TAFA5: variants seen among roughly 807,000 people sequenced by gnomAD.
The protein encoded by TAFA5 is TAFA chemokine like family member 5.
Under a neutral mutation model 15.3 loss-of-function variants are expected in TAFA5, and 6 were observed. The observed-to-expected ratio is 0.39, with a 90% CI of 0.21 to 0.77. The LOEUF (loss-of-function observed/expected upper bound fraction) is 0.77. TAFA5 is among the 30% of genes least tolerant of loss of function. TAFA5 has a pLI of 0.41. For synonymous variants in TAFA5, 103 were observed against 80.7 expected, an observed-to-expected ratio of 1.28 and a Z score of -1.48; for missense variants, 161 against 193.1, an observed-to-expected ratio of 0.83 and a Z score of 0.98.
chr22:48,580,139 C>T (rs1378497254), intron 1 of TAFA5, among the ~76,000 whole-genome samples: 5 of 152,188 alleles, frequency 3.3e-5, no homozygotes, highest in South Asian at 2.1e-4. Context: ...AGCAGCTGCT[C>T]GGAGGGCAGA....
intron 2 of TAFA5, among the ~76,000 whole-genome samples, chr22:48,690,098 G>C (rs1012547960): frequency 9.9e-5 from 15 of 151,978 alleles, no homozygotes; most frequent in African/African-American, 3.1e-4. Flanking sequence ...GCATCAGCTG[G>C]AGGCCAGGGG....
At chr22:48,516,768 G>A (rs1200214948) in intron 1 of TAFA5, among the ~76,000 whole-genome samples, 1 of 152,162 alleles carries the variant, frequency 6.6e-6, no homozygotes, top group Admixed American at 6.5e-5. Context: ...GGAGGTTGGT[G>A]GCCGCAGCCC....
At chr22:48,701,990 C>T (rs1264178558) in intron 2 of TAFA5, among the ~76,000 whole-genome samples, 1 of 152,152 alleles carries the variant, frequency 6.6e-6, no homozygotes, top group Non-Finnish European at 1.5e-5. Context: ...AATGTACACA[C>T]AGAGGGGACC....
intron 1 of TAFA5, among the ~76,000 whole-genome samples, chr22:48,619,934 C>T (rs915927855): frequency 1.3e-5 from 2 of 152,234 alleles, no homozygotes; most frequent in African/African-American, 4.8e-5. Flanking sequence ...CTGAGTCCCG[C>T]GGGCCTGGGG....
chr22:48,705,384 C>T (rs917665678), intron 2 of TAFA5, among the ~76,000 whole-genome samples: 1 of 152,180 alleles, frequency 6.6e-6, no homozygotes, highest in African/African-American at 2.4e-5. Context: ...CCCCCCTTGT[C>T]GGAACTGAGG....
At chr22:48,634,424 TTCACTCACTCATTCATTAACTCATTTAG>T (rs1390688221) in intron 1 of TAFA5, among the ~76,000 whole-genome samples, 19 of 152,236 alleles carry the variant, frequency 1.2e-4, no homozygotes, top group African/African-American at 4.1e-4. Context: ...CCTTTACTCA[TTCACTCACTCATTCATTAACTCATTTAG>T]TCACTCACTC....
intron 1 of TAFA5, among the ~76,000 whole-genome samples, chr22:48,561,865 A>G (rs1304490472): frequency 6.6e-6 from 1 of 152,200 alleles, no homozygotes; most frequent in African/African-American, 2.4e-5. Context: ...GGGGCCACAC[A>G]CATTCTGCAC....
At chr22:48,618,586 G>C (rs1391875041) in intron 1 of TAFA5, among the ~76,000 whole-genome samples, 3 of 152,184 alleles carry the variant, frequency 2.0e-5, no homozygotes, top group Non-Finnish European at 4.4e-5. Flanking sequence ...CCTGGAGGCA[G>C]CGTGCACAGT....
chr22:48,588,197 A>G (rs1924429327), intron 1 of TAFA5, among the ~76,000 whole-genome samples: 1 of 152,214 alleles, frequency 6.6e-6, no homozygotes, highest in African/African-American at 2.4e-5. Context: ...CCTGGGGCTG[A>G]GCACAGGTGC....
intron 1 of TAFA5, among the ~76,000 whole-genome samples, chr22:48,496,743 C>T (rs764927895): frequency 1.2e-4 from 18 of 152,130 alleles, no homozygotes; most frequent in Non-Finnish European, 2.1e-4. Context: ...GAAGGGCAGG[C>T]GGGGTGGTCC....
chr22:48,534,662 C>G (rs1438716729), intron 1 of TAFA5, among the ~76,000 whole-genome samples: 1 of 152,194 alleles, frequency 6.6e-6, no homozygotes, highest in African/African-American at 2.4e-5. Flanking sequence ...TGGGGCCGCC[C>G]TGCGGGGGTG....
At chr22:48,605,478 T>C (rs1925160088) in intron 1 of TAFA5, among the ~76,000 whole-genome samples, 1 of 149,550 alleles carries the variant, frequency 6.7e-6, no homozygotes, top group African/African-American at 2.5e-5. Flanking sequence ...ATGATGTTGG[T>C]GGTGGCAGGG....
intron 1 of TAFA5, among the ~76,000 whole-genome samples, chr22:48,633,964 CA>C (rs1181126697): frequency 1.3e-5 from 2 of 152,200 alleles, no homozygotes; most frequent in South Asian, 2.1e-4. Flanking sequence ...CCACGCTTTC[CA>C]GGGGGCAGCT....
intron 1 of TAFA5, among the ~76,000 whole-genome samples, chr22:48,522,696 A>G (rs368883883): frequency 2.6e-5 from 4 of 152,132 alleles, no homozygotes; most frequent in African/African-American, 7.2e-5. Flanking sequence ...CTGCCTGGAC[A>G]TCATCTGGGC....
chr22:48,513,416 C>T (rs1921295475), intron 1 of TAFA5, among the ~76,000 whole-genome samples: 1 of 152,226 alleles, frequency 6.6e-6, no homozygotes, highest in African/African-American at 2.4e-5. Context: ...GAGTGCAGCT[C>T]CTTCCTGTCA....
At position 48,749,935 on chromosome 22, in the gene TAFA5, T is replaced by C. The variant is rs755578509; in HGVS notation, c.*88T>C. 83 of 1,281,742 alleles carry C rather than the reference T, an allele frequency of 6.5e-5. No individual in the cohort carries two copies. The highest frequency in any genetic ancestry group is 8.6e-5 in the Non-Finnish European group (78 of 908,236). The allele number at this position is 1,281,742 out of a possible 1,614,324, so 79.4% of individuals were successfully genotyped here. A position where few individuals can be genotyped will look rare whatever the true frequency, so the allele number is the denominator to read the frequency against. ...CCACAGTTCTCCACTCGCCTCGGAC[T>C]TCACCCGTTCTCTGCCGCCCGCCCA... On this transcript the variant is annotated 3_prime_UTR_variant, in exon 4 of 4. Transcript: ENST00000402357.
intron 3 of TAFA5, among the ~76,000 whole-genome samples, chr22:48,709,907 C>T (rs1314958078): frequency 6.6e-6 from 1 of 152,248 alleles, no homozygotes; most frequent in East Asian, 1.9e-4. Flanking sequence ...TGGGTCCTTA[C>T]CTGGAGGCTG....
chr22:48,568,631 A>G (rs1268524372), intron 1 of TAFA5, among the ~76,000 whole-genome samples: 1 of 152,212 alleles, frequency 6.6e-6, no homozygotes, highest in Non-Finnish European at 1.5e-5. Flanking sequence ...CTCTGCCTGC[A>G]TTTGCTGTAA....
chr22:48,600,424 G>T (rs753082027), intron 1 of TAFA5, among the ~76,000 whole-genome samples: 1 of 152,214 alleles, frequency 6.6e-6, no homozygotes, highest in Non-Finnish European at 1.5e-5. Context: ...GAAGGGGCCC[G>T]AGGCAGCCCT....
Sources: gnomAD v4.1 joint callset for allele counts (sites outside exome capture counted in the v4.1 genomes callset) on GRCh38, gnomAD v4.1.1 for gene constraint, MANE v1.5 for transcripts, NCBI Gene and HGNC (gene_info 2026-07-23, HGNC 2026-07-21) for gene names.